XPO4: variants seen among roughly 807,000 people sequenced by gnomAD.
XPO4 encodes exportin 4.
A neutral mutation model predicts 143.0 loss-of-function variants in XPO4; 39 were observed. That is an observed-to-expected ratio of 0.27 (90% CI 0.21 to 0.36). The LOEUF (loss-of-function observed/expected upper bound fraction) is 0.36, where lower values mean the gene tolerates loss of function less well. XPO4 is among the 10% of genes least tolerant of loss of function. The pLI, the probability that XPO4 is intolerant of heterozygous loss-of-function variation, is 1.00. For synonymous variants in XPO4, 439 were observed against 474.0 expected (o/e 0.93, Z 0.96); for missense variants, 907 against 1,348.0 (o/e 0.67, Z 5.12).
At chr13:20,829,465 C>T (rs1271394245) in intron 6 of XPO4, among the ~76,000 whole-genome samples, 2 of 151,876 alleles carry the variant, frequency 1.3e-5, no homozygotes, top group South Asian at 2.1e-4. Context: ...TTCACATAAC[C>T]ATAATAAAAT....
chr13:20,810,503 C>T (rs1487154456), intron 9 of XPO4, among the ~76,000 whole-genome samples: 1 of 152,100 alleles, frequency 6.6e-6, no homozygotes, highest in East Asian at 1.9e-4. Flanking sequence ...CAAAAGTGTC[C>T]CATACTTAGA....
chr13:20,836,279 G>T (rs2059915555), intron 6 of XPO4, among the ~76,000 whole-genome samples: 1 of 152,126 alleles, frequency 6.6e-6, no homozygotes. Flanking sequence ...GACCAACTAT[G>T]TTCTAACTGA....
intron 1 of XPO4, among the ~76,000 whole-genome samples, chr13:20,887,973 A>G (rs1423723147): frequency 6.6e-6 from 1 of 152,058 alleles, no homozygotes; most frequent in African/African-American, 2.4e-5. Flanking sequence ...TCAGGAGATC[A>G]AGACCAGTCT....
intron 13 of XPO4, among the ~76,000 whole-genome samples, chr13:20,804,260 C>CAT (rs1239014690): frequency 1.3e-5 from 2 of 150,852 alleles, no homozygotes; most frequent in Non-Finnish European, 3.0e-5. Flanking sequence ...CACACACACA[C>CAT]ATACACACAA....
chr13:20,835,891 A>C (rs2059910133), intron 6 of XPO4, among the ~76,000 whole-genome samples: 1 of 152,188 alleles, frequency 6.6e-6, no homozygotes, highest in Non-Finnish European at 1.5e-5. Context: ...ACGAAGATGA[A>C]GACATTTATG....
chr13:20,796,186 C>T lies in XPO4; in HGVS notation c.2687G>A (p.Arg896Gln), dbSNP rs764304462. Residue 896 changes from arginine to glutamine, a missense_variant, in exon 18 of 23, where the codon CGG becomes CAG. By Grantham distance (43) the Arg-to-Gln change is conservative. Transcript: ENST00000255305. ...LQVYSKNNLG[R>Q]QRIDVTAEEE... Reference sequence around the variant, plus strand: ...TTCTGCTGTAACATCTATTCTTTGCCGCCCTAAATTATTCTTAGAATACAC... The same window carrying T: ...TTCTGCTGTAACATCTATTCTTTGCTGCCCTAAATTATTCTTAGAATACAC... The T allele has an allele frequency of 3.7e-6, 6 of 1,612,890 alleles. No individual in the cohort carries two copies. The highest frequency in any genetic ancestry group is 2.2e-5 in the East Asian group (1 of 44,840).
chr13:20,839,996 T>C (rs1169844671), intron 6 of XPO4, among the ~76,000 whole-genome samples: 1 of 150,878 alleles, frequency 6.6e-6, no homozygotes, highest in Non-Finnish European at 1.5e-5. Context: ...AATAAATAAA[T>C]AAATAAAAAT....
At chr13:20,834,941 C>T (rs1397769338) in intron 6 of XPO4, among the ~76,000 whole-genome samples, 2 of 152,166 alleles carry the variant, frequency 1.3e-5, no homozygotes, top group Non-Finnish European at 2.9e-5. Flanking sequence ...GCCTGGGTGA[C>T]AGAGCAAGAC....
chr13:20,800,739 A>G (rs2059422812), intron 14 of XPO4, 92 bp downstream of exon 14: 1 of 1,492,722 alleles, frequency 6.7e-7, no homozygotes, highest in Admixed American at 2.0e-5. Context: ...AAACAGTTCT[A>G]TTTTGATGAA....
At chr13:20,888,329 G>A (rs1167576849) in intron 1 of XPO4, among the ~76,000 whole-genome samples, 1 of 151,982 alleles carries the variant, frequency 6.6e-6, no homozygotes, top group African/African-American at 2.4e-5. Flanking sequence ...CTTTTGAGAA[G>A]ATATAAAAGA....
Position 20,800,940 on chromosome 13 carries a change from C to T in XPO4, c.1868G>A (p.Arg623Lys). ...RVSEVESRAI[R>K]ADLTHLLSPQ... is the part of the protein sequence containing the mutation. ...ACTTAGTAGATGAGTGAGATCTGCT[C>T]TTATTGCTCGAGATTCAACTTCTGA... is the stretch of plus-strand genomic sequence containing the variant. Residue 623 changes from arginine (R) to lysine (K), a missense_variant, in exon 14 of 23, where the codon AGA becomes AAA. Coordinates refer to ENST00000255305, the MANE Select transcript of XPO4 (RefSeq NM_022459.5). The T allele has an allele frequency of 6.2e-7, 1 of 1,613,984 alleles. No individual in the cohort carries two copies.
chr13:20,882,122 AAAAAAG>A (rs2060416803), intron 1 of XPO4, among the ~76,000 whole-genome samples: 2 of 151,382 alleles, frequency 1.3e-5, no homozygotes, highest in Admixed American at 6.6e-5. Context: ...AAAAAAAAAA[AAAAAAG>A]AAAGAAAGAA....
intron 18 of XPO4, among the ~76,000 whole-genome samples, chr13:20,793,038 C>T (rs2059308117): frequency 1.3e-5 from 2 of 152,166 alleles, no homozygotes; most frequent in African/African-American, 4.8e-5. Context: ...GATCCACCCG[C>T]CTCAGCCTCC....
chr13:20,809,947 T>C lies in XPO4; in HGVS notation c.1194A>G (p.Val398=), dbSNP rs2059556217. The change falls in exon 10 of 23, where the codon GTA becomes GTG. Residue 398 remains valine, a synonymous_variant. Transcript: ENST00000255305. ...LEEVLDKDDM[V]YMEAYDKLLE... ...ACAATTTATCATATGCTTCCATGTA[T>C]ACCATGTCATCTTTATCAAGCTAAA... is the stretch of plus-strand genomic sequence containing the variant. 3 of 1,609,026 alleles carry C rather than the reference T, an allele frequency of 1.9e-6. No individual in the cohort carries two copies. The highest frequency in any genetic ancestry group is 1.7e-4 in the Middle Eastern group (1 of 6,032).
At chr13:20,804,826 C>G (rs1228954145) in intron 13 of XPO4, among the ~76,000 whole-genome samples, 1 of 152,162 alleles carries the variant, frequency 6.6e-6, no homozygotes, top group African/African-American at 2.4e-5. Flanking sequence ...TCAAACAGAG[C>G]TTTAACCTCT....
rs1200250848 is a variant in XPO4, at chr13:20,849,131, C to G, written c.457-5245G>C. 1.0e-5 allele frequency: 10 copies of G among 985,280 alleles called. No individual in the cohort carries two copies. The Admixed American group carries it at 4.3e-4, about 42-fold the overall frequency. The allele number at this position is 985,280 out of a possible 1,614,324, so 61.0% of individuals were successfully genotyped here. On this transcript the variant is annotated intron_variant, in intron 4 of 22. Transcript: ENST00000255305. ...GCTGACAAAATAAAATACTCTTGTT[C>G]AGAGAGAGGATTGTCTCTTATAATA...
rs890788929 is a variant in XPO4, at chr13:20,807,653, T to A, written c.1640-19A>T. On this transcript the variant is annotated intron_variant, in intron 12 of 22. Transcript: ENST00000255305. Reference sequence around the variant, plus strand: ...AGGTAGCCTTCAGTTTAAAAAAAATTAAAAATGAACACTTAACAAATCTAC... The same window carrying A: ...AGGTAGCCTTCAGTTTAAAAAAAATAAAAAATGAACACTTAACAAATCTAC... The A allele has an allele frequency of 2.6e-6, 4 of 1,546,142 alleles. No individual in the cohort carries two copies. Among genetic ancestry groups the A allele is most frequent in the Non-Finnish European group, 3.5e-6 (4 of 1,156,484 alleles).
Position 20,809,233 on chromosome 13 carries a change from A to G in XPO4, c.1351-8T>C. On this transcript the variant is annotated splice_polypyrimidine_tract_variant and splice_region_variant and intron_variant, in intron 10 of 22. Coordinates refer to ENST00000255305, the MANE Select transcript of XPO4 (RefSeq NM_022459.5). Reference sequence around the variant, plus strand: ...GGCCACACCATTGGCAGTCTATTGCAAGTAAAAGAAATAAACAATGAGGAA... The same window carrying G: ...GGCCACACCATTGGCAGTCTATTGCGAGTAAAAGAAATAAACAATGAGGAA... 2 of 1,611,958 alleles carry G rather than the reference A, an allele frequency of 1.2e-6. No individual in the cohort carries two copies. Among genetic ancestry groups the G allele is most frequent in the Non-Finnish European group, 1.7e-6 (2 of 1,179,194 alleles).
At chr13:20,792,335 G>A (rs1595057119) in intron 18 of XPO4, among the ~76,000 whole-genome samples, 1 of 151,970 alleles carries the variant, frequency 6.6e-6, no homozygotes, top group Non-Finnish European at 1.5e-5. Flanking sequence ...GCTCACTCCT[G>A]TAATCTCAGC....
Sources: gnomAD v4.1 joint callset for allele counts (sites outside exome capture counted in the v4.1 genomes callset) on GRCh38, gnomAD v4.1.1 for gene constraint, MANE v1.5 for transcripts, NCBI Gene and HGNC (gene_info 2026-07-23, HGNC 2026-07-21) for gene names.